The following MRE11 variants were observed in gnomAD, a reference collection of about 807,000 sequenced individuals.
The protein encoded by MRE11 is MRE11 double strand break repair nuclease, also known as double-strand break repair protein MRE11.
Under a neutral mutation model 91.7 loss-of-function variants are expected in MRE11, and 62 were observed. That is an observed-to-expected ratio of 0.68 (90% CI 0.55 to 0.84). MRE11 has a LOEUF of 0.84. Ranked by LOEUF, MRE11 falls within the 40% of genes least tolerant of loss-of-function variation. The pLI is 0.00. For synonymous variants in MRE11, 273 were observed against 271.4 expected, an observed-to-expected ratio of 1.01 and a Z score of -0.06; for missense variants, 796 against 852.9, an observed-to-expected ratio of 0.93 and a Z score of 0.83.
intron 16 of MRE11, among the ~76,000 whole-genome samples, chr11:94,442,208 G>A (rs1367213440): frequency 6.6e-6 from 1 of 152,100 alleles, no homozygotes; most frequent in Non-Finnish European, 1.5e-5. Flanking sequence ...GATTCATGAA[G>A]CCCAATAATT....
At chr11:94,485,834 T>C (rs1947126495) in intron 4 of MRE11, 90 bp downstream of exon 4, 1 of 1,224,262 alleles carries the variant, frequency 8.2e-7, no homozygotes, top group African/African-American at 1.5e-5. Flanking sequence ...ATAGCTTATA[T>C]GGAAGGCAAA....
rs1308334977 is a variant in MRE11, at chr11:94,417,689, T to C, written c.*2436A>G. 4.3e-6 allele frequency: 1 copy of C among 232,930 alleles called. No individual in the cohort carries two copies. 14.4% of individuals were successfully genotyped at this position (232,930 alleles called of 1,614,324 possible). A position where few individuals can be genotyped will look rare whatever the true frequency, so the allele number is the denominator to read the frequency against. On this transcript the variant is annotated 3_prime_UTR_variant, in exon 20 of 20. Coordinates refer to ENST00000323929, the MANE Select transcript of MRE11 (RefSeq NM_005591.4). ...GGACACTGCGCTATTTCTTGACCTG[T>C]AGAGGGATTCCATCAGTGCTCAATT...
At chr11:94,459,702 T>C (rs1461702026) in intron 12 of MRE11, 121 bp from the exon 13 acceptor site, 1 of 1,047,462 alleles carries the variant, frequency 9.5e-7, no homozygotes, top group Non-Finnish European at 1.4e-6. Flanking sequence ...CAGCTGTAGT[T>C]AAGCCTACTA....
Position 94,419,889 on chromosome 11 carries a change from TGG to T in MRE11, c.*234_*235del, listed in dbSNP as rs1945122535. 6.3e-6 allele frequency: 2 copies of T among 319,098 alleles called. No individual in the cohort carries two copies. The highest frequency in any genetic ancestry group is 4.2e-5 in the African/African-American group (2 of 47,638). 19.8% of individuals were successfully genotyped at this position (319,098 alleles called of 1,614,324 possible). ...TTCATTATGAAATAGAAATGTAAAA[TGG>T]TAGCTTTATTTTAATCTTTACTCAA... is the stretch of plus-strand genomic sequence containing the variant. On this transcript the variant is annotated 3_prime_UTR_variant, in exon 20 of 20. Transcript: ENST00000323929.
intron 19 of MRE11, among the ~76,000 whole-genome samples, chr11:94,425,690 C>G (rs1322382417): frequency 2.0e-5 from 3 of 152,100 alleles, no homozygotes; most frequent in African/African-American, 7.2e-5. Flanking sequence ...GGGCAGGAGT[C>G]ACAATTCTTT....
chr11:94,426,863 A>G (rs949140605), intron 19 of MRE11, among the ~76,000 whole-genome samples: 3 of 152,170 alleles, frequency 2.0e-5, no homozygotes, highest in African/African-American at 7.2e-5. Flanking sequence ...GAAGAAAGTG[A>G]AAACCTGAAC....
At chr11:94,511,992 G>C in the MRE11 span, among the ~76,000 whole-genome samples, 1 of 152,262 alleles carries the variant, frequency 6.6e-6, no homozygotes, top group African/African-American at 2.4e-5. Flanking sequence ...GGAATCCTCA[G>C]TATTTACTTA....
intron 16 of MRE11, among the ~76,000 whole-genome samples, chr11:94,441,773 T>C (rs1945784268): frequency 6.6e-6 from 1 of 151,896 alleles, no homozygotes; most frequent in African/African-American, 2.4e-5. Flanking sequence ...AGCCAGGAGT[T>C]TAAGACCAGA....
At chr11:94,480,080 C>T (rs1408388484) in intron 4 of MRE11, among the ~76,000 whole-genome samples, 2 of 152,038 alleles carry the variant, frequency 1.3e-5, no homozygotes, top group African/African-American at 4.8e-5. Flanking sequence ...GGTTTTTATT[C>T]GTAGTGGGGG....
At chr11:94,480,871 A>G (rs1382119831) in intron 4 of MRE11, among the ~76,000 whole-genome samples, 1 of 152,124 alleles carries the variant, frequency 6.6e-6, no homozygotes, top group Non-Finnish European at 1.5e-5. Context: ...TGGCCTGGAG[A>G]GGGGGCCATC....
At chr11:94,439,739 A>G (rs935989301) in intron 16 of MRE11, among the ~76,000 whole-genome samples, 1 of 152,226 alleles carries the variant, frequency 6.6e-6, no homozygotes, top group Non-Finnish European at 1.5e-5. Flanking sequence ...AATGAGGTGG[A>G]CGCAATCATT....
At position 94,420,107 on chromosome 11, in the gene MRE11, T is replaced by C; in HGVS notation, c.*18A>G. On this transcript the variant is annotated 3_prime_UTR_variant, in exon 20 of 20. Coordinates refer to ENST00000323929, the MANE Select transcript of MRE11 (RefSeq NM_005591.4). Reference sequence around the variant, plus strand: ...ATTTTTCCTGTATCTTGCATGTTTCTCAGTGCCATTAAATATATTATCTTC... The same window carrying C: ...ATTTTTCCTGTATCTTGCATGTTTCCCAGTGCCATTAAATATATTATCTTC... The C allele has an allele frequency of 6.5e-7, 1 of 1,536,526 alleles. No homozygotes were observed. The highest frequency in any genetic ancestry group is 1.7e-5 in the Admixed American group (1 of 59,682).
At position 94,437,661 on chromosome 11, in the gene MRE11, C is replaced by T. The variant is rs556531434; in HGVS notation, c.1868-426G>A. ...CCAGTAGTTTCTCATTTTCCTCTAC[C>T]TTAGTAGCCATATTCAATATCTAAG... is the stretch of plus-strand genomic sequence containing the variant. On this transcript the variant is annotated intron_variant, in intron 16 of 19. Transcript: ENST00000323929. 1.2e-4 allele frequency among the ~76,000 whole-genome samples: 19 copies of T among 152,278 alleles called. No homozygotes were observed. In the East Asian group the frequency reaches 3.7e-3, roughly 29 times the overall value.
chr11:94,447,278 C>T lies in MRE11; in HGVS notation c.1724G>A (p.Gly575Asp), dbSNP rs376555330. Residue 575 changes from glycine (G) to aspartate (D), a missense_variant, in exon 15 of 20, where the codon GGT (glycine) becomes GAT (aspartate). Physicochemically the swap from Gly to Asp is moderately conservative, Grantham distance 94. Coordinates refer to ENST00000323929, the MANE Select transcript of MRE11 (RefSeq NM_005591.4). Reference protein sequence around the residue: ...ATNKGRGRGRGRRGGRGQNSA... With the variant: ...ATNKGRGRGRDRRGGRGQNSA... ...ATTCTGCCCTCTTCCACCTCTTCGACCTCTTCCTCGGCCTCTTCCTTTGTT... is the reference window on the plus strand; with the variant it reads ...ATTCTGCCCTCTTCCACCTCTTCGATCTCTTCCTCGGCCTCTTCCTTTGTT... 17 of 1,613,986 alleles carry T rather than the reference C, an allele frequency of 1.1e-5. No individual in the cohort carries two copies. The East Asian group carries it at 3.8e-4, about 36-fold the overall frequency.
intron 18 of MRE11, among the ~76,000 whole-genome samples, chr11:94,432,293 A>AT (rs1945481312): frequency 1.3e-5 from 2 of 152,174 alleles, no homozygotes; most frequent in Non-Finnish European, 2.9e-5. Context: ...TACTCCTATA[A>AT]AGGCCAGTAC....
chr11:94,482,803 T>G (rs1367382821), intron 4 of MRE11, among the ~76,000 whole-genome samples: 1 of 152,114 alleles, frequency 6.6e-6, no homozygotes, highest in Non-Finnish European at 1.5e-5. Context: ...CTGGGCATGG[T>G]GGTGCACACT....
chr11:94,425,192 T>C (rs1190275974), intron 19 of MRE11, among the ~76,000 whole-genome samples: 1 of 152,134 alleles, frequency 6.6e-6, no homozygotes, highest in Non-Finnish European at 1.5e-5. Context: ...GGGACCTATT[T>C]TCTGCATCCT....
intron 4 of MRE11, among the ~76,000 whole-genome samples, chr11:94,483,251 T>C (rs986499506): frequency 3.9e-5 from 6 of 152,094 alleles, no homozygotes; most frequent in African/African-American, 1.4e-4. Flanking sequence ...GGCAGGAGGA[T>C]TGCTTGGGCC....
intron 14 of MRE11, among the ~76,000 whole-genome samples, chr11:94,449,339 TTTCAA>T (rs748380769): frequency 1.3e-5 from 2 of 152,238 alleles, no homozygotes; most frequent in Non-Finnish European, 2.9e-5. Flanking sequence ...ACAACAGTGA[TTTCAA>T]TTCATCTTTC....
Sources: gnomAD v4.1 joint callset for allele counts (sites outside exome capture counted in the v4.1 genomes callset) on GRCh38, gnomAD v4.1.1 for gene constraint, MANE v1.5 for transcripts, NCBI Gene and HGNC (gene_info 2026-07-23, HGNC 2026-07-21) for gene names.